ANKRD30A: variants seen among roughly 807,000 people sequenced by gnomAD.
ANKRD30A encodes the protein ankyrin repeat domain-containing protein 30A.
Under a neutral mutation model 166.3 loss-of-function variants are expected in ANKRD30A, and 170 were observed. The ratio of observed to expected loss-of-function variants is 1.02; its 90% CI spans 0.90 to 1.16. The LOEUF (loss-of-function observed/expected upper bound fraction) is 1.16, where lower values mean the gene tolerates loss of function less well. Among genes scored for constraint, ANKRD30A ranks in the 50% most tolerant of loss-of-function variants. The probability of loss-of-function intolerance (pLI) is 0.00; values close to 1 mark genes in which losing one functional copy is unlikely to be tolerated. For missense variants in ANKRD30A, 1,630 were observed against 1,518.0 expected (o/e 1.07, Z -1.23); for synonymous variants, 564 against 508.9 (o/e 1.11, Z -1.46).
chr10:37,221,785 C>T (rs1438722844), intron 34 of ANKRD30A, among the ~76,000 whole-genome samples: 1 of 151,044 alleles, frequency 6.6e-6, no homozygotes, highest in Admixed American at 6.6e-5. Flanking sequence ...TTTATGTTAC[C>T]ATGGCGAGGC....
Position 37,129,910 on chromosome 10 carries a change from C to T in ANKRD30A, c.239C>T (p.Ala80Val). Reference protein sequence around the residue: ...DAQKRTALHWACVNGHEEVVT... With the variant: ...DAQKRTALHWVCVNGHEEVVT... ...TCTCGTAGGACTGCTCTACACTGGG[C>T]CTGTGTCAATGGCCATGAGGAAGTA... Residue 80 changes from alanine (A) to valine (V), a missense_variant, in exon 2 of 36, where the codon GCC becomes GTC. Physicochemically the swap from Ala to Val is moderately conservative, Grantham distance 64 (BLOSUM62 0). Around this residue, in one of 4 missense-constraint regions of ANKRD30A, gnomAD observed 904 missense variants for 818.5 expected, o/e 1.10. Coordinates refer to ENST00000361713, the MANE Select transcript of ANKRD30A (RefSeq NM_052997.3). 1 of 1,557,192 alleles carries T rather than the reference C, an allele frequency of 6.4e-7. No individual in the cohort carries two copies. The highest frequency in any genetic ancestry group is 8.7e-7 in the Non-Finnish European group (1 of 1,148,504).
Position 37,195,123 on chromosome 10 carries a change from A to C in ANKRD30A, c.2614+1865A>C, listed in dbSNP as rs554554559. On this transcript the variant is annotated intron_variant, in intron 27 of 35. Transcript: ENST00000361713. ...CCCCGGTGTATTTGTTGAACTTCAG[A>C]GATGCTCAGATCAGAAGTTAGAACA... Among the ~76,000 whole-genome samples, 72 of 152,274 alleles carry C rather than the reference A, an allele frequency of 4.7e-4. 1 individual carries two copies. The highest frequency in any genetic ancestry group is 1.7e-3 in the African/African-American group (69 of 41,560).
the ANKRD30A span, chr10:37,241,865 A>G: frequency 6.6e-6 from 1 of 152,168 alleles, no homozygotes; most frequent in African/African-American, 2.4e-5. Context: ...AAAAGTTTCA[A>G]GCTTTACTAC....
rs748608157 is a variant in ANKRD30A, at chr10:37,162,657, G to C, written c.1909G>C (p.Gly637Arg). ...DMQTFKAEPP[G>R]KPSAFEPATE... ...TCTCTTTTGCTTTTTAGAGCCTCCG[G>C]GGAAGCCATCTGCCTTCGAGGTATT... is the stretch of plus-strand genomic sequence containing the variant. The change falls in exon 16 of 36, where the codon GGG becomes CGG. Residue 637 changes from glycine to arginine, a missense_variant. Gly to Arg is a moderately radical substitution (Grantham distance 125, BLOSUM62 -2). Around this residue, in one of 4 missense-constraint regions of ANKRD30A, gnomAD observed 904 missense variants for 818.5 expected, o/e 1.10. Coordinates refer to ENST00000361713, the MANE Select transcript of ANKRD30A (RefSeq NM_052997.3). 1.2e-6 allele frequency: 2 copies of C among 1,612,196 alleles called. No individual in the cohort carries two copies. Among genetic ancestry groups the C allele is most frequent in the African/African-American group, 1.3e-5 (1 of 74,928 alleles).
intron 31 of ANKRD30A, among the ~76,000 whole-genome samples, chr10:37,213,417 C>T (rs1842440683): frequency 6.6e-6 from 1 of 151,800 alleles, no homozygotes; most frequent in South Asian, 2.1e-4. Context: ...CATCCCAAAA[C>T]TCCTACCTCC....
At chr10:37,190,570 A>T (rs900930800) in intron 25 of ANKRD30A, among the ~76,000 whole-genome samples, 2 of 151,830 alleles carry the variant, frequency 1.3e-5, no homozygotes, top group African/African-American at 4.9e-5. Flanking sequence ...AAGTCTAGTG[A>T]TTATTTTTGC....
chr10:37,202,415 A>G (rs1244948954), intron 31 of ANKRD30A, among the ~76,000 whole-genome samples: 1 of 152,224 alleles, frequency 6.6e-6, no homozygotes, highest in African/African-American at 2.4e-5. Context: ...TCAAGGCAGA[A>G]ATAAATATGT....
At chr10:37,261,371 G>A in the ANKRD30A span, among the ~76,000 whole-genome samples, 1 of 152,086 alleles carries the variant, frequency 6.6e-6, no homozygotes, top group Non-Finnish European at 1.5e-5. Flanking sequence ...ATAAGAACAT[G>A]AGTAGTAAAT....
chr10:37,207,835 C>A (rs761399224), intron 31 of ANKRD30A, among the ~76,000 whole-genome samples: 3 of 151,942 alleles, frequency 2.0e-5, no homozygotes, highest in Admixed American at 6.6e-5. Context: ...ACATAAATTT[C>A]ATTGATAGAA....
the ANKRD30A span, among the ~76,000 whole-genome samples, chr10:37,255,662 TGA>T: frequency 6.6e-6 from 1 of 152,144 alleles, no homozygotes; most frequent in East Asian, 1.9e-4. Context: ...CCCGAGCTCC[TGA>T]GAGGAATAAA....
intron 9 of ANKRD30A, 101 bp from the exon 10 acceptor site, chr10:37,149,550 A>T: frequency 7.1e-7 from 1 of 1,403,018 alleles, no homozygotes; most frequent in South Asian, 1.3e-5. Context: ...TTCGTTCTCA[A>T]AGTCGACCAA....
At chr10:37,223,548 A>G (rs779841211) in intron 34 of ANKRD30A, among the ~76,000 whole-genome samples, 2 of 151,368 alleles carry the variant, frequency 1.3e-5, no homozygotes, top group Non-Finnish European at 1.5e-5. Context: ...TTTTTCACTT[A>G]TTGTTAGCAT....
At chr10:37,127,270 C>T (rs1475678488) in intron 1 of ANKRD30A, among the ~76,000 whole-genome samples, 1 of 151,522 alleles carries the variant, frequency 6.6e-6, no homozygotes, top group Admixed American at 6.6e-5. Context: ...ATTTTTGTGC[C>T]ACAAAATAAG....
intron 34 of ANKRD30A, among the ~76,000 whole-genome samples, chr10:37,221,270 T>C (rs1175597494): frequency 6.6e-6 from 1 of 151,148 alleles, no homozygotes; most frequent in Non-Finnish European, 1.5e-5. Flanking sequence ...TGAAAGTAAA[T>C]ATTGTTAATT....
At chr10:37,236,488 G>T (rs939582771), downstream of ANKRD30A, among the ~76,000 whole-genome samples, 1 of 152,170 alleles carries the variant, frequency 6.6e-6, no homozygotes, top group Admixed American at 6.5e-5. Context: ...ACACATGTTT[G>T]CAAAGAGACT....
the ANKRD30A span, among the ~76,000 whole-genome samples, chr10:37,237,988 A>T: frequency 6.6e-6 from 1 of 152,354 alleles, no homozygotes; most frequent in South Asian, 2.1e-4. Context: ...GTCATGTAAC[A>T]TTGAAAAGTT....
At chr10:37,159,577 A>C (rs1398949751) in intron 15 of ANKRD30A, among the ~76,000 whole-genome samples, 1 of 152,120 alleles carries the variant, frequency 6.6e-6, no homozygotes, top group Non-Finnish European at 1.5e-5. Flanking sequence ...CATGTGTACA[A>C]TTTGTTTTCA....
chr10:37,162,833 C>A lies in ANKRD30A; in HGVS notation c.1987C>A (p.Gln663Lys), dbSNP rs746190610. The A allele has an allele frequency of 6.2e-7, 1 of 1,613,442 alleles. No individual in the cohort carries two copies. Among genetic ancestry groups the A allele is most frequent in the Non-Finnish European group, 8.5e-7 (1 of 1,179,698 alleles). ...TAAAGCCTTGGAATTGAAAAATGAA[C>A]AAACATTGAGAGCAGGTAAATTTTT... ...PNKALELKNE[Q>K]TLRADEILPS... is the part of the protein sequence containing the mutation. The change falls in exon 17 of 36, where the codon CAA becomes AAA. Residue 663 changes from glutamine (Q) to lysine (K), a missense_variant. By Grantham distance (53) the Gln-to-Lys change is moderately conservative. Coordinates refer to ENST00000361713, the MANE Select transcript of ANKRD30A (RefSeq NM_052997.3).
chr10:37,152,287 A>C (rs17590162), intron 12 of ANKRD30A, among the ~76,000 whole-genome samples, 166 bp downstream of exon 12: 2 of 152,156 alleles, frequency 1.3e-5, no homozygotes, highest in Non-Finnish European at 2.9e-5. Context: ...TAAGTAGATT[A>C]CTGCTTCATA....
Sources: gnomAD v4.1 joint callset for allele counts (sites outside exome capture counted in the v4.1 genomes callset) on GRCh38, gnomAD v4.1.1 for gene constraint, gnomAD v4.1.1 regional missense constraint, MANE v1.5 for transcripts, NCBI Gene and HGNC (gene_info 2026-07-23, HGNC 2026-07-21) for gene names.